The following RALGPS1 variants were observed in gnomAD, a reference collection of about 807,000 sequenced individuals.
RALGPS1 encodes the protein ras-specific guanine nucleotide-releasing factor RalGPS1.
In RALGPS1, 19 loss-of-function variants were observed where a neutral mutation model predicts 78.8. The observed-to-expected ratio is 0.24, with a 90% CI of 0.17 to 0.35. The LOEUF (loss-of-function observed/expected upper bound fraction) is 0.35, where lower values mean the gene tolerates loss of function less well. Among genes scored for constraint, RALGPS1 ranks in the 10% least tolerant of loss-of-function variants. The pLI is 1.00. For missense variants in RALGPS1, 454 were observed against 688.3 expected (o/e 0.66, Z 3.81); for synonymous variants, 228 against 256.3 (o/e 0.89, Z 1.06).
intron 8 of RALGPS1, among the ~76,000 whole-genome samples, chr9:127,164,384 C>T (rs2059180230): frequency 6.6e-6 from 1 of 151,410 alleles, no homozygotes; most frequent in South Asian, 2.1e-4. Flanking sequence ...TACAGGCGCC[C>T]ACCACCACAC....
In RALGPS1 at chr9:127,131,810, C is replaced by T. The variant is rs571098061; in HGVS notation, c.611-34259C>T. 1.1e-4 allele frequency among the ~76,000 whole-genome samples: 17 copies of T among 152,310 alleles called. No individual in the cohort carries two copies. In the South Asian group the frequency reaches 3.5e-3, roughly 32 times the overall value. ...GTGCTTGAGATATGCATAGCAGGCA[C>T]CCAGTCAGTGGTGGGTCCTTGTGCT... On this transcript the variant is annotated intron_variant, in intron 8 of 18. Transcript: ENST00000259351.
At chr9:126,976,846 CAGTT>C (rs2040709017) in intron 3 of RALGPS1, among the ~76,000 whole-genome samples, 1 of 152,206 alleles carries the variant, frequency 6.6e-6, no homozygotes, top group Admixed American at 6.5e-5. Flanking sequence ...CACGTGAAGT[CAGTT>C]CAGTTCATGC....
intron 8 of RALGPS1, among the ~76,000 whole-genome samples, chr9:127,094,137 GC>G (rs2052832519): frequency 6.6e-6 from 1 of 152,064 alleles, no homozygotes; most frequent in African/African-American, 2.4e-5. Flanking sequence ...CATACTCCAA[GC>G]TCACTTTCTC....
intron 3 of RALGPS1, 90 bp downstream of exon 3, chr9:126,966,041 A>G (rs2039454537): frequency 1.1e-6 from 1 of 908,738 alleles, no homozygotes; most frequent in Non-Finnish European, 1.8e-6. Context: ...CAGATTGGAA[A>G]CATTCTATAT....
At chr9:126,944,700 A>G (rs920480395) in intron 1 of RALGPS1, among the ~76,000 whole-genome samples, 1 of 152,308 alleles carries the variant, frequency 6.6e-6, no homozygotes, top group South Asian at 2.1e-4. Context: ...CAGAGCTTAC[A>G]TAACCACAGT....
intron 1 of RALGPS1, among the ~76,000 whole-genome samples, chr9:126,919,843 A>G (rs1328058329): frequency 1.3e-5 from 2 of 151,372 alleles, no homozygotes; most frequent in African/African-American, 4.9e-5. Context: ...CAAGCCATTG[A>G]TTACCAAACA....
intron 5 of RALGPS1, among the ~76,000 whole-genome samples, chr9:127,038,581 T>G (rs2047048178): frequency 1.3e-5 from 2 of 152,372 alleles, no homozygotes; most frequent in Middle Eastern, 3.4e-3. Flanking sequence ...CTAGTTCTAT[T>G]CATTTATGTA....
At chr9:127,108,561 G>A (rs373626212) in intron 8 of RALGPS1, 397 of 1,613,398 alleles carry the variant, frequency 2.5e-4, no homozygotes, top group Non-Finnish European at 3.3e-4. Flanking sequence ...GCACAATGAA[G>A]GTGTAGGTGC....
intron 1 of RALGPS1, among the ~76,000 whole-genome samples, chr9:126,961,611 T>C (rs57710130): frequency 0.058 from 8,862 of 152,108 alleles, 873 homozygotes; most frequent in African/African-American, 0.2. Flanking sequence ...TGAGACCAGC[T>C]AGGCAACATA....
At chr9:127,167,930 C>CA (rs1198724390) in intron 9 of RALGPS1, among the ~76,000 whole-genome samples, 1 of 152,232 alleles carries the variant, frequency 6.6e-6, no homozygotes, top group East Asian at 1.9e-4. Flanking sequence ...CCTCCAGAAA[C>CA]GGGCAACACC....
chr9:127,098,905 C>T (rs1338766427), intron 8 of RALGPS1, among the ~76,000 whole-genome samples: 2 of 152,226 alleles, frequency 1.3e-5, no homozygotes, highest in Non-Finnish European at 2.9e-5. Context: ...CCGTCCAGGC[C>T]CTAGTGGAGA....
Position 127,091,553 on chromosome 9 carries a change from G to A in RALGPS1, c.610+22197G>A, listed in dbSNP as rs1269208738. 9 of 1,405,970 alleles carry A rather than the reference G, an allele frequency of 6.4e-6. No individual in the cohort carries two copies. Among genetic ancestry groups the A allele is most frequent in the Non-Finnish European group, 8.7e-6 (9 of 1,039,984 alleles). 87.1% of individuals were successfully genotyped at this position (1,405,970 alleles called of 1,614,324 possible). On this transcript the variant is annotated intron_variant, in intron 8 of 18. Transcript: ENST00000259351. This position sits in a 1 kb window ranked among gnomAD's most constrained non-coding sequence, Gnocchi z 4.3. ...GGTGGTAACAGGGTCAGGCAGCTTG[G>A]CCCAGCTGCTTCTCACCCTGGGATC...
At chr9:127,024,595 C>A (rs1436786334) in intron 4 of RALGPS1, among the ~76,000 whole-genome samples, 1 of 152,000 alleles carries the variant, frequency 6.6e-6, no homozygotes, top group Non-Finnish European at 1.5e-5. Context: ...GTAACTGTTA[C>A]ACATAGTCAA....
At chr9:127,108,585 C>G in intron 8 of RALGPS1, 1 of 1,613,618 alleles carries the variant, frequency 6.2e-7, no homozygotes, top group Non-Finnish European at 8.5e-7. Flanking sequence ...TGTCCTGGGA[C>G]TCGCCCGCCC....
intron 8 of RALGPS1, among the ~76,000 whole-genome samples, chr9:127,150,710 A>G (rs1189745476): frequency 6.6e-6 from 1 of 152,246 alleles, no homozygotes; most frequent in East Asian, 1.9e-4. Context: ...GGGCAGCCTC[A>G]CTACCGAGCC....
At chr9:126,915,272 G>C (rs1302832533) in intron 1 of RALGPS1, among the ~76,000 whole-genome samples, 67 of 142,074 alleles carry the variant, frequency 4.7e-4, no homozygotes, top group Non-Finnish European at 7.0e-4. Context: ...GCGCGGGCGC[G>C]GGGGGCGGGG....
intron 8 of RALGPS1, among the ~76,000 whole-genome samples, chr9:127,084,395 C>T (rs1456768735): frequency 6.6e-6 from 1 of 152,166 alleles, no homozygotes; most frequent in East Asian, 1.9e-4. Flanking sequence ...TAATGTATAG[C>T]TCCCTCCCTG....
intron 4 of RALGPS1, among the ~76,000 whole-genome samples, chr9:127,020,772 C>T (rs1351078562): frequency 6.6e-6 from 1 of 152,224 alleles, no homozygotes; most frequent in Admixed American, 6.5e-5. Flanking sequence ...TGCTCTGTGG[C>T]TGAGGGTCCA....
At chr9:127,074,966 T>C (rs1263912708) in intron 8 of RALGPS1, among the ~76,000 whole-genome samples, 1 of 152,236 alleles carries the variant, frequency 6.6e-6, no homozygotes, top group East Asian at 1.9e-4. Flanking sequence ...TGCTCCTGTT[T>C]CTTGTGACAT....
Sources: allele counts gnomAD v4.1 joint callset (sites outside exome capture counted in the v4.1 genomes callset), GRCh38; gene constraint gnomAD v4.1.1; non-coding constraint Gnocchi (gnomAD v3.1); transcripts MANE v1.5; gene names NCBI Gene and HGNC (gene_info 2026-07-23, HGNC 2026-07-21).